DYNC2H1: variants seen among roughly 807,000 people sequenced by gnomAD.
DYNC2H1 encodes dynein cytoplasmic 2 heavy chain 1.
In DYNC2H1, 410 loss-of-function variants were observed where a neutral mutation model predicts 570.0. The observed-to-expected ratio is 0.72, with a 90% CI of 0.66 to 0.78. The LOEUF is 0.78. Ranked by LOEUF, DYNC2H1 falls within the 30% of genes least tolerant of loss-of-function variation. The pLI, the probability that DYNC2H1 is intolerant of heterozygous loss-of-function variation, is 0.00. For synonymous variants in DYNC2H1, 1,688 were observed against 1,677.6 expected, an observed-to-expected ratio of 1.01 and a Z score of -0.15; for missense variants, 4,865 against 5,046.4, an observed-to-expected ratio of 0.96 and a Z score of 1.09.
In DYNC2H1 at chr11:103,209,807, T is replaced by A; in HGVS notation, c.8455-69T>A. On this transcript the variant is annotated intron_variant, in intron 52 of 88. Coordinates refer to ENST00000375735, the MANE Select transcript of DYNC2H1 (RefSeq NM_001377.3). The surrounding 1 kb of genome is among the most constrained non-coding windows in gnomAD (Gnocchi z 4.2). ...GTACAATCAATACTGACTTTTTTTGTATTAAAGGTTTTTAACTTATGATAT... is the reference window on the plus strand; with the variant it reads ...GTACAATCAATACTGACTTTTTTTGAATTAAAGGTTTTTAACTTATGATAT... The A allele has an allele frequency of 8.1e-7, 1 of 1,227,758 alleles. No individual in the cohort carries two copies. The highest frequency in any genetic ancestry group is 1.1e-6 in the Non-Finnish European group (1 of 942,054). The allele number at this position is 1,227,758 out of a possible 1,614,324, so 76.1% of individuals were successfully genotyped here.
At chr11:103,309,506 T>C (rs976691078) in intron 78 of DYNC2H1, among the ~76,000 whole-genome samples, 1 of 151,698 alleles carries the variant, frequency 6.6e-6, no homozygotes, top group Non-Finnish European at 1.5e-5. Flanking sequence ...CTACCTGTTA[T>C]TTTAGATCAG....
At chr11:103,342,732 C>T (rs193020601) in intron 82 of DYNC2H1, among the ~76,000 whole-genome samples, 2 of 152,116 alleles carry the variant, frequency 1.3e-5, no homozygotes, top group East Asian at 1.9e-4. Flanking sequence ...TCTCGACCTC[C>T]TGACCTCGTG....
intron 6 of DYNC2H1, 150 bp from the exon 7 acceptor site, chr11:103,120,297 C>T: frequency 1.5e-6 from 1 of 647,026 alleles, no homozygotes; most frequent in Non-Finnish European, 2.4e-6. Flanking sequence ...CGTGGCAATT[C>T]TCTGGACTAG....
At chr11:103,126,825 A>C (rs1034082395) in intron 12 of DYNC2H1, among the ~76,000 whole-genome samples, 1 of 152,086 alleles carries the variant, frequency 6.6e-6, no homozygotes, top group Admixed American at 6.5e-5. Context: ...CTTTTAGTAG[A>C]GATAGAGTTT....
chr11:103,156,278 T>G, intron 25 of DYNC2H1, 110 bp from the exon 26 acceptor site: 4 of 1,144,804 alleles, frequency 3.5e-6, no homozygotes, highest in Non-Finnish European at 4.9e-6. Flanking sequence ...TTTTTTTGCC[T>G]TATGGTGAAA....
At chr11:103,405,720 T>G (rs1942836023) in intron 84 of DYNC2H1, 1 of 151,956 alleles carries the variant, frequency 6.6e-6, no homozygotes, top group Admixed American at 6.6e-5. Flanking sequence ...GGCCTAATTC[T>G]GCTCGAATTA....
chr11:103,117,232 GTATATATATATTTAATATATATATTTTA>G (rs1310607057), intron 5 of DYNC2H1, among the ~76,000 whole-genome samples: 9 of 144,946 alleles, frequency 6.2e-5, no homozygotes, highest in South Asian at 2.1e-4. Flanking sequence ...TTTAATATAT[GTATATATATATTTAATATATATATTTTA>G]TATATATATA....
rs752190907 is a variant in DYNC2H1 at position 103,122,998 on chromosome 11, G to A, written c.1659G>A (p.Leu553=). Residue 553 remains leucine (L), a splice_region_variant and synonymous_variant, in exon 11 of 89, where the codon TTG becomes TTA. Coordinates refer to ENST00000375735, the MANE Select transcript of DYNC2H1 (RefSeq NM_001377.3). Reference sequence around the variant, plus strand: ...GTTTATCTGATTCCAGATCTGGTTTGTGGTAAGTATAGATATATTAAACTG... The same window carrying A: ...GTTTATCTGATTCCAGATCTGGTTTATGGTAAGTATAGATATATTAAACTG... ...QSGLSDSRSG[L]CIEASSRIME... 1 of 1,511,066 alleles carries A rather than the reference G, an allele frequency of 6.6e-7. No homozygotes were observed. Among genetic ancestry groups the A allele is most frequent in the Non-Finnish European group, 8.9e-7 (1 of 1,120,290 alleles). The allele number at this position is 1,511,066 out of a possible 1,614,324, so 93.6% of individuals were successfully genotyped here.
intron 84 of DYNC2H1, among the ~76,000 whole-genome samples, chr11:103,410,311 G>A (rs1431395098): frequency 2.0e-5 from 3 of 152,006 alleles, no homozygotes; most frequent in African/African-American, 7.2e-5. Flanking sequence ...TTTCATAAAG[G>A]TTGTCGTGAG....
chr11:103,318,901 C>T (rs770934581), intron 80 of DYNC2H1, among the ~76,000 whole-genome samples: 3 of 152,098 alleles, frequency 2.0e-5, no homozygotes, highest in Admixed American at 6.6e-5. Flanking sequence ...ACCCAACATT[C>T]CCCACCTCAT....
intron 59 of DYNC2H1, among the ~76,000 whole-genome samples, chr11:103,229,944 G>C (rs1299809530): frequency 6.6e-6 from 1 of 152,078 alleles, no homozygotes; most frequent in Non-Finnish European, 1.5e-5. Context: ...TCAAAATTTG[G>C]TTCCTAGACC....
intron 84 of DYNC2H1, among the ~76,000 whole-genome samples, chr11:103,426,072 A>G (rs1367868145): frequency 2.0e-5 from 3 of 151,408 alleles, no homozygotes; most frequent in Non-Finnish European, 4.4e-5. Context: ...AAATGGCTTA[A>G]GGCGTTCCTA....
rs1858419673 is a variant in DYNC2H1 at position 103,116,731 on chromosome 11, G to T, written c.766+17G>T. On this transcript the variant is annotated intron_variant, in intron 5 of 88. Transcript: ENST00000375735. ...ACATCATAGGTACTAGTAAAAAAATGAACTTTTGGAATTTTGAAAACCTGT... is the reference window on the plus strand; with the variant it reads ...ACATCATAGGTACTAGTAAAAAAATTAACTTTTGGAATTTTGAAAACCTGT... The T allele has an allele frequency of 1.3e-6, 2 of 1,559,392 alleles. No individual in the cohort carries two copies. Among genetic ancestry groups the T allele is most frequent in the African/African-American group, 2.8e-5 (2 of 72,680 alleles).
intron 84 of DYNC2H1, among the ~76,000 whole-genome samples, chr11:103,428,067 C>G (rs181403515): frequency 3.3e-5 from 5 of 151,846 alleles, no homozygotes; most frequent in African/African-American, 1.2e-4. Flanking sequence ...CAGACACACC[C>G]AGAAATAACC....
chr11:103,448,439 TC>T, intron 85 of DYNC2H1, among the ~76,000 whole-genome samples: 1 of 152,172 alleles, frequency 6.6e-6, no homozygotes, highest in East Asian at 1.9e-4. Flanking sequence ...ACATTTATAT[TC>T]TACAAAATGG....
At chr11:103,173,789 A>T (rs1000743234) in intron 35 of DYNC2H1, among the ~76,000 whole-genome samples, 2 of 152,164 alleles carry the variant, frequency 1.3e-5, no homozygotes, top group African/African-American at 4.8e-5. Flanking sequence ...GGCTTTAGGC[A>T]TTAGGGTAAC....
intron 88 of DYNC2H1, among the ~76,000 whole-genome samples, chr11:103,477,610 T>G (rs1306001341): frequency 6.6e-6 from 1 of 151,966 alleles, no homozygotes; most frequent in African/African-American, 2.4e-5. Context: ...GGCACACGTA[T>G]CACGAGGTCA....
Position 103,280,453 on chromosome 11 carries a change from G to A in DYNC2H1, c.10761+40G>A. On this transcript the variant is annotated intron_variant, in intron 71 of 88. Coordinates refer to ENST00000375735, the MANE Select transcript of DYNC2H1 (RefSeq NM_001377.3). The surrounding 1 kb of genome is among the most constrained non-coding windows in gnomAD (Gnocchi z 4.7). ...AGGAGAGAAATTTTACAGTAACATAGAAATTTGTTAATGGGTGGATTTATG... is the reference window on the plus strand; with the variant it reads ...AGGAGAGAAATTTTACAGTAACATAAAAATTTGTTAATGGGTGGATTTATG... 12 of 1,504,098 alleles carry A rather than the reference G, an allele frequency of 8.0e-6. No homozygotes were observed. The highest frequency in any genetic ancestry group is 1.1e-5 in the Non-Finnish European group (12 of 1,104,916). The allele number at this position is 1,504,098 out of a possible 1,614,324, so 93.2% of individuals were successfully genotyped here.
chr11:103,148,809 AGTACTTT>A lies in DYNC2H1; in HGVS notation c.2946+194_2946+200del, dbSNP rs564674155. On this transcript the variant is annotated intron_variant, in intron 20 of 88. Coordinates refer to ENST00000375735, the MANE Select transcript of DYNC2H1 (RefSeq NM_001377.3). ...CCTGGTGGCTCACGCCTGTAATCTC[AGTACTTT>A]GGGAGGCCGAGGCAGGCAGATCACG... 6.9e-3 allele frequency among the ~76,000 whole-genome samples: 1,050 copies of A among 152,250 alleles called. 8 individuals carry two copies. The highest frequency in any genetic ancestry group is 0.024 in the African/African-American group (990 of 41,532).
Sources: gnomAD v4.1 joint callset for allele counts (sites outside exome capture counted in the v4.1 genomes callset) on GRCh38, gnomAD v4.1.1 for gene constraint, Gnocchi (gnomAD v3.1) non-coding constraint, MANE v1.5 for transcripts, NCBI Gene and HGNC (gene_info 2026-07-23, HGNC 2026-07-21) for gene names.